TAOK1: variants seen among roughly 807,000 people sequenced by gnomAD.
TAOK1 encodes serine/threonine-protein kinase TAO1.
Under a neutral mutation model 138.3 loss-of-function variants are expected in TAOK1, and 21 were observed. The ratio of observed to expected loss-of-function variants is 0.15; its 90% CI spans 0.11 to 0.22. TAOK1 has a LOEUF of 0.22. Ranked by LOEUF, TAOK1 falls within the 10% of genes least tolerant of loss-of-function variation. TAOK1 has a pLI of 1.00. For synonymous variants in TAOK1, 361 were observed against 398.4 expected (o/e 0.91, Z 1.12); for missense variants, 651 against 1,227.7 (o/e 0.53, Z 7.02).
intron 1 of TAOK1, among the ~76,000 whole-genome samples, chr17:29,414,638 C>T (rs1905226386): frequency 6.6e-6 from 1 of 152,006 alleles, no homozygotes; most frequent in African/African-American, 2.4e-5. Flanking sequence ...CTCATTGCAA[C>T]CTCCGCCTCC....
At chr17:29,486,119 C>G (rs948031775) in intron 8 of TAOK1, among the ~76,000 whole-genome samples, 7 of 151,334 alleles carry the variant, frequency 4.6e-5, no homozygotes, top group Non-Finnish European at 1.0e-4. Context: ...AACCCCATCT[C>G]TACAAAAAAT....
intron 1 of TAOK1, among the ~76,000 whole-genome samples, chr17:29,399,012 G>T (rs1483131884): frequency 6.7e-6 from 1 of 149,312 alleles, no homozygotes; most frequent in Non-Finnish European, 1.5e-5. Context: ...TTGAGACAGG[G>T]TCTCACTCCT....
At chr17:29,401,331 A>G (rs1240352607) in intron 1 of TAOK1, among the ~76,000 whole-genome samples, 1 of 152,216 alleles carries the variant, frequency 6.6e-6, no homozygotes, top group African/African-American at 2.4e-5. Context: ...TGTGGGCTAT[A>G]CAGGCATCTG....
At chr17:29,436,435 T>C (rs1026525513) in intron 1 of TAOK1, among the ~76,000 whole-genome samples, 1 of 152,232 alleles carries the variant, frequency 6.6e-6, no homozygotes, top group Non-Finnish European at 1.5e-5. Context: ...TTTGTAAACA[T>C]TTCAGCTCTT....
intron 3 of TAOK1, among the ~76,000 whole-genome samples, chr17:29,467,814 TA>T: frequency 6.6e-6 from 1 of 151,508 alleles, no homozygotes; most frequent in Non-Finnish European, 1.5e-5. Context: ...TTTATTTATT[TA>T]TTTATTTATT....
chr17:29,405,683 G>A (rs1177943705), intron 1 of TAOK1, among the ~76,000 whole-genome samples: 13 of 152,108 alleles, frequency 8.5e-5, no homozygotes, highest in Admixed American at 5.9e-4. Flanking sequence ...GGAGGCAGAG[G>A]TAGGAGAATT....
intron 3 of TAOK1, among the ~76,000 whole-genome samples, chr17:29,472,258 T>G (rs1222601069): frequency 6.7e-6 from 1 of 150,352 alleles, no homozygotes; most frequent in Non-Finnish European, 1.5e-5. Context: ...CGTTGTGTGT[T>G]TTTTTTTTTT....
intron 3 of TAOK1, among the ~76,000 whole-genome samples, chr17:29,470,860 C>T (rs533839079): frequency 5.9e-5 from 9 of 152,306 alleles, no homozygotes; most frequent in African/African-American, 1.9e-4. Flanking sequence ...CAGTGGCTTA[C>T]GCCTGTAATC....
At chr17:29,392,716 G>T (rs2153019282) in intron 1 of TAOK1, among the ~76,000 whole-genome samples, 1 of 152,248 alleles carries the variant, frequency 6.6e-6, no homozygotes, top group East Asian at 1.9e-4. Flanking sequence ...TGAAGAAGAA[G>T]ACTAAAATGT....
chr17:29,410,701 C>T (rs1209582981), intron 1 of TAOK1, among the ~76,000 whole-genome samples: 3 of 140,296 alleles, frequency 2.1e-5, no homozygotes, highest in East Asian at 2.2e-4. Context: ...GGCGTGATCT[C>T]GGCTCACTGC....
intron 1 of TAOK1, among the ~76,000 whole-genome samples, chr17:29,414,288 G>A (rs1165276643): frequency 4.6e-5 from 7 of 151,880 alleles, no homozygotes; most frequent in African/African-American, 1.5e-4. Context: ...TTGCTCGGTC[G>A]CCTAGGCTGG....
chr17:29,501,875 A>T (rs1046460813), intron 12 of TAOK1, among the ~76,000 whole-genome samples: 1 of 151,578 alleles, frequency 6.6e-6, no homozygotes, highest in African/African-American at 2.4e-5. Context: ...CATCTCTACA[A>T]AAAATACAAA....
At chr17:29,513,057 A>G (rs1031841930) in intron 15 of TAOK1, 1 of 96,268 alleles carries the variant, frequency 1.0e-5, no homozygotes, top group Admixed American at 1.2e-4. Flanking sequence ...TAATTTACCC[A>G]CCCCCCCCCC....
intron 1 of TAOK1, among the ~76,000 whole-genome samples, chr17:29,410,407 C>T (rs1291247926): frequency 6.6e-6 from 1 of 152,016 alleles, no homozygotes; most frequent in Non-Finnish European, 1.5e-5. Flanking sequence ...TGCACCACCA[C>T]GCCTGGCTAA....
At chr17:29,422,718 C>G (rs1417614668) in intron 1 of TAOK1, among the ~76,000 whole-genome samples, 1 of 152,126 alleles carries the variant, frequency 6.6e-6, no homozygotes, top group African/African-American at 2.4e-5. Context: ...ATTAGTTTGT[C>G]TACAGAGTTA....
At chr17:29,419,740 C>T (rs1905369983) in intron 1 of TAOK1, among the ~76,000 whole-genome samples, 1 of 152,038 alleles carries the variant, frequency 6.6e-6, no homozygotes, top group East Asian at 1.9e-4. Context: ...GCGATCCTCC[C>T]ACTTCAGCCT....
chr17:29,492,788 T>C (rs1425275520), intron 10 of TAOK1, among the ~76,000 whole-genome samples: 1 of 152,014 alleles, frequency 6.6e-6, no homozygotes, highest in Admixed American at 6.6e-5. Context: ...GCGAAACCCC[T>C]TCTCAAAAAA....
chr17:29,463,170 A>G (rs769017926), intron 2 of TAOK1, among the ~76,000 whole-genome samples: 19 of 152,182 alleles, frequency 1.2e-4, no homozygotes, highest in Non-Finnish European at 2.5e-4. Flanking sequence ...TTGTATCTAC[A>G]TATATTATAA....
At chr17:29,407,662 G>T (rs1230252489) in intron 1 of TAOK1, among the ~76,000 whole-genome samples, 1 of 151,702 alleles carries the variant, frequency 6.6e-6, no homozygotes, top group Non-Finnish European at 1.5e-5. Context: ...CCCCAGGCTG[G>T]TCTCGAACTC....
Sources: allele counts gnomAD v4.1 joint callset (sites outside exome capture counted in the v4.1 genomes callset), GRCh38; gene constraint gnomAD v4.1.1; transcripts MANE v1.5; gene names NCBI Gene and HGNC (gene_info 2026-07-23, HGNC 2026-07-21).